Variants in ENO4 observed in about 807,000 individuals in gnomAD.
The protein encoded by ENO4 is enolase 4, also known as 2-phospho-D-glycerate hydro-lyase.
ENO4 carries 53 observed loss-of-function variants against 63.2 expected under a neutral mutation model. The observed-to-expected ratio is 0.84, with a 90% CI of 0.67 to 1.05. The LOEUF is 1.05. Ranked by LOEUF, ENO4 falls within the 50% of genes least tolerant of loss-of-function variation. The probability of loss-of-function intolerance (pLI) is 0.00; values close to 1 mark genes in which losing one functional copy is unlikely to be tolerated. For synonymous variants in ENO4, 266 were observed against 283.8 expected, an observed-to-expected ratio of 0.94 and a Z score of 0.63; for missense variants, 719 against 772.0, an observed-to-expected ratio of 0.93 and a Z score of 0.81.
chr10:116,876,303 T>C, intron 11 of ENO4, 43 bp downstream of exon 11: 1 of 1,437,430 alleles, frequency 7.0e-7, no homozygotes, highest in South Asian at 1.5e-5. Context: ...ATGACTTGGT[T>C]ATACAAGAAA....
chr10:116,858,074 G>A (rs565161894), intron 3 of ENO4, among the ~76,000 whole-genome samples: 1 of 151,224 alleles, frequency 6.6e-6, no homozygotes, highest in Admixed American at 6.6e-5. Flanking sequence ...GTTACATCTT[G>A]TATTTTATTA....
intron 10 of ENO4, among the ~76,000 whole-genome samples, chr10:116,899,119 T>G (rs1006910036): frequency 3.3e-5 from 5 of 152,202 alleles, no homozygotes; most frequent in Non-Finnish European, 7.3e-5. Context: ...TTGTTCCATG[T>G]GTGTAAGACA....
chr10:116,898,157 G>A (rs529802141), intron 10 of ENO4, among the ~76,000 whole-genome samples: 10 of 151,958 alleles, frequency 6.6e-5, no homozygotes, highest in East Asian at 1.9e-4. Flanking sequence ...GTGAAACCGC[G>A]TCTCTACTAA....
chr10:116,899,100 A>C (rs1485075685), intron 10 of ENO4, among the ~76,000 whole-genome samples: 1 of 152,220 alleles, frequency 6.6e-6, no homozygotes, highest in African/African-American at 2.4e-5. Flanking sequence ...GCCTACCATA[A>C]GGCAGGAATT....
chr10:116,901,933 G>A (rs1307187095), intron 10 of ENO4: 1 of 1,601,766 alleles, frequency 6.2e-7, no homozygotes, highest in Non-Finnish European at 8.5e-7. Flanking sequence ...TTTGGACTCT[G>A]AGGTGGCTAA....
intron 3 of ENO4, among the ~76,000 whole-genome samples, 170 bp from the exon 4 acceptor site, chr10:116,858,820 A>T (rs1282271846): frequency 1.3e-5 from 2 of 152,256 alleles, no homozygotes. Context: ...ATGCAGTTTT[A>T]TAACAGCATC....
In ENO4 at chr10:116,860,808, A is replaced by G. The variant is rs72831665; in HGVS notation, c.649A>G (p.Ile217Val). 5.2e-6 allele frequency: 8 copies of G among 1,525,090 alleles called. No individual in the cohort carries two copies. Among genetic ancestry groups the G allele is most frequent in the Non-Finnish European group, 7.1e-6 (8 of 1,130,442 alleles). The allele number at this position is 1,525,090 out of a possible 1,614,324, so 94.5% of individuals were successfully genotyped here. Residue 217 changes from isoleucine to valine, a missense_variant, in exon 5 of 14, where the codon ATT becomes GTT. By Grantham distance (29) the Ile-to-Val change is conservative. This residue lies in a region of ENO4 where 544 missense variants were observed against 583.6 expected (regional missense o/e 0.93). Transcript: ENST00000341276. Reference protein sequence around the residue: ...KGQKPGRKDTITEKPIAPAEP... With the variant: ...KGQKPGRKDTVTEKPIAPAEP... ...TCTCCCTCCAGGGAGGAAGGATACT[A>G]TTACAGAGAAACCTATTGCGCCTGC...
Position 116,881,823 on chromosome 10 carries a change from T to C in ENO4, c.*154T>C, listed in dbSNP as rs1650987533. 5.4e-6 allele frequency: 3 copies of C among 555,618 alleles called. No individual in the cohort carries two copies. Among genetic ancestry groups the C allele is most frequent in the Non-Finnish European group, 8.4e-6 (3 of 355,250 alleles). 34.4% of individuals were successfully genotyped at this position (555,618 alleles called of 1,614,324 possible). On this transcript the variant is annotated 3_prime_UTR_variant, in exon 14 of 14. Coordinates refer to ENST00000341276, the MANE Select transcript of ENO4 (RefSeq NM_001242699.2). ...TAATTCCACTGTTTGGTAAATTACATATATGATGTTTTTGCCTGAAATTCT... is the reference window on the plus strand; with the variant it reads ...TAATTCCACTGTTTGGTAAATTACACATATGATGTTTTTGCCTGAAATTCT...
At chr10:116,899,409 A>T (rs1036509553) in intron 10 of ENO4, among the ~76,000 whole-genome samples, 1 of 152,094 alleles carries the variant, frequency 6.6e-6, no homozygotes, top group Non-Finnish European at 1.5e-5. Context: ...CAGCTCTTAG[A>T]GAAGACCATA....
rs1464438511 is a variant in ENO4 at position 116,871,218 on chromosome 10, G to C, written c.1141G>C (p.Ala381Pro). ...QPLLLIQEIC[A>P]NLGLELGTNL... ...ACTGCTTCTAATACAGGAAATCTGT[G>C]CCAACCTGGGGCTAGAACTGGGAAC... The change falls in exon 9 of 14, where the codon GCC becomes CCC. Residue 381 changes from alanine (A) to proline (P), a missense_variant. Coordinates refer to ENST00000341276, the MANE Select transcript of ENO4 (RefSeq NM_001242699.2). 6.5e-7 allele frequency: 1 copy of C among 1,550,374 alleles called. No individual in the cohort carries two copies. The highest frequency in any genetic ancestry group is 1.4e-5 in the African/African-American group (1 of 73,018).
In ENO4 at chr10:116,881,731, T is replaced by C; in HGVS notation, c.*62T>C. The C allele has an allele frequency of 8.0e-7, 1 of 1,252,204 alleles. No individual in the cohort carries two copies. The highest frequency in any genetic ancestry group is 1.0e-6 in the Non-Finnish European group (1 of 965,982). The allele number at this position is 1,252,204 out of a possible 1,614,324, so 77.6% of individuals were successfully genotyped here. On this transcript the variant is annotated 3_prime_UTR_variant, in exon 14 of 14. Coordinates refer to ENST00000341276, the MANE Select transcript of ENO4 (RefSeq NM_001242699.2). The stretch of plus-strand genomic sequence containing the variant: ...TATTAGTAGACCGGGAGGTCTGAAG[T>C]ACGGCGCCGTGTCTCCACATGGAGT...
At chr10:116,880,076 G>A (rs1846961622) in intron 13 of ENO4, 90 bp downstream of exon 13, 1 of 990,212 alleles carries the variant, frequency 1.0e-6, no homozygotes, top group Non-Finnish European at 1.5e-6. Flanking sequence ...CTCTGCAGGA[G>A]GGCAGGGGAA....
At chr10:116,901,704 A>G (rs2133324572) in intron 10 of ENO4, 1 of 1,427,812 alleles carries the variant, frequency 7.0e-7, no homozygotes, top group East Asian at 2.7e-5. Flanking sequence ...TCAAAGAAAC[A>G]CACAAGTTAG....
Position 116,868,657 on chromosome 10 carries a change from C to T in ENO4, c.998C>T (p.Pro333Leu), listed in dbSNP as rs1287709831. Residue 333 changes from proline to leucine, a missense_variant, in exon 8 of 14, where the codon CCT (proline) becomes CTT (leucine). Transcript: ENST00000341276. ...TTATCTTCTGCCCCACAGCCCTCTC[C>T]TCCAAAAGCAGAGACAAAAAAAGGG... ...HINKIIEMPSPPKAETKKGHD... is the reference protein window; with the variant it reads ...HINKIIEMPSLPKAETKKGHD... 1.3e-6 allele frequency: 2 copies of T among 1,550,510 alleles called. No individual in the cohort carries two copies. Among genetic ancestry groups the T allele is most frequent in the Non-Finnish European group, 1.7e-6 (2 of 1,146,956 alleles).
Position 116,856,868 on chromosome 10 carries a change from A to G in ENO4, c.485+186A>G, listed in dbSNP as rs373776170. Among the ~76,000 whole-genome samples, 23 of 152,210 alleles carry G rather than the reference A, an allele frequency of 1.5e-4. No homozygotes were observed. The East Asian group carries it at 3.7e-3, about 24-fold the overall frequency. ...GCCGGGCATGGTGGTGGGCGCCTGT[A>G]GTCCCAGCTACTCGGGAGGCTGAGG... On this transcript the variant is annotated intron_variant, in intron 3 of 13. Transcript: ENST00000341276.
chr10:116,894,911 A>G (rs1048725410), intron 10 of ENO4, among the ~76,000 whole-genome samples: 3 of 152,204 alleles, frequency 2.0e-5, no homozygotes, highest in African/African-American at 7.2e-5. Flanking sequence ...ATGCAGACAC[A>G]TTTTAAGATC....
At chr10:116,903,870 C>G (rs1165178416) in intron 10 of ENO4, among the ~76,000 whole-genome samples, 1 of 152,122 alleles carries the variant, frequency 6.6e-6, no homozygotes, top group Admixed American at 6.5e-5. Flanking sequence ...AAAATGTACA[C>G]CGTTTAAGAG....
At chr10:116,879,811 T>C (rs1846949809) in intron 12 of ENO4, 58 bp from the exon 13 acceptor site, 13 of 1,283,506 alleles carry the variant, frequency 1.0e-5, no homozygotes, top group African/African-American at 1.5e-5. Context: ...AAAGAATTGT[T>C]TGTCGTTTAG....
At chr10:116,904,388 GGT>G (rs1360948459) in intron 10 of ENO4, among the ~76,000 whole-genome samples, 1 of 151,330 alleles carries the variant, frequency 6.6e-6, no homozygotes, top group Non-Finnish European at 1.5e-5. Flanking sequence ...CCTAAAAAAT[GGT>G]ATGATTTCTT....
Sources: gnomAD v4.1 joint callset for allele counts (sites outside exome capture counted in the v4.1 genomes callset) on GRCh38, gnomAD v4.1.1 for gene constraint, gnomAD v4.1.1 regional missense constraint, MANE v1.5 for transcripts, NCBI Gene and HGNC (gene_info 2026-07-23, HGNC 2026-07-21) for gene names.